The following CDH8 variants were observed in gnomAD, a reference collection of about 807,000 sequenced individuals.
CDH8 encodes the protein cadherin-8.
In CDH8, 17 loss-of-function variants were observed where a neutral mutation model predicts 68.1. The observed-to-expected ratio is 0.25, with a 90% confidence interval of 0.17 to 0.37. CDH8 has a LOEUF of 0.37. Among genes scored for constraint, CDH8 ranks in the 10% least tolerant of loss-of-function variants. The pLI, the probability that CDH8 is intolerant of heterozygous loss-of-function variation, is 1.00. For synonymous variants in CDH8, 372 were observed against 365.1 expected (o/e 1.02, Z -0.21); for missense variants, 763 against 999.3 (o/e 0.76, Z 3.19).
chr16:61,745,005 T>G (rs1186654679), intron 8 of CDH8, among the ~76,000 whole-genome samples: 1 of 151,290 alleles, frequency 6.6e-6, no homozygotes, highest in Non-Finnish European at 1.5e-5. Context: ...ATTATCATAT[T>G]GCCATTTAGG....
chr16:62,032,948 A>G (rs1023289319), intron 1 of CDH8, among the ~76,000 whole-genome samples: 2 of 152,152 alleles, frequency 1.3e-5, no homozygotes, highest in African/African-American at 4.8e-5. Context: ...TAATATGTGC[A>G]TGTTCTTTTT....
chr16:61,868,576 T>A (rs1963299160), intron 3 of CDH8, among the ~76,000 whole-genome samples: 1 of 152,178 alleles, frequency 6.6e-6, no homozygotes, highest in Non-Finnish European at 1.5e-5. Context: ...AGTATGATAT[T>A]AAACTCTCAC....
chr16:61,717,538 A>C (rs1964754622), intron 9 of CDH8, among the ~76,000 whole-genome samples: 1 of 151,668 alleles, frequency 6.6e-6, no homozygotes, highest in African/African-American at 2.4e-5. Context: ...ATTTTACATT[A>C]ACTCAAAAAT....
chr16:61,655,363 C>T, intron 11 of CDH8, 107 bp downstream of exon 11: 1 of 1,095,532 alleles, frequency 9.1e-7, no homozygotes, highest in Admixed American at 2.3e-5. Context: ...GTTCCTCTTC[C>T]CCAACGGAAT....
At chr16:61,769,533 C>A (rs530097670) in intron 8 of CDH8, among the ~76,000 whole-genome samples, 149 of 149,364 alleles carry the variant, frequency 1.0e-3, no homozygotes, top group Middle Eastern at 6.9e-3. Context: ...AAAGATTTAT[C>A]AAATAGAAAT....
chr16:62,011,998 A>T (rs1901824348), intron 2 of CDH8, among the ~76,000 whole-genome samples: 1 of 152,250 alleles, frequency 6.6e-6, no homozygotes. Context: ...TGGATGACCA[A>T]ATTAGGCCAA....
At chr16:61,700,807 G>A (rs1173557848) in intron 10 of CDH8, among the ~76,000 whole-genome samples, 3 of 152,132 alleles carry the variant, frequency 2.0e-5, no homozygotes, top group African/African-American at 7.2e-5. Context: ...GCAGAAATAA[G>A]CTGTAGAGTT....
intron 7 of CDH8, among the ~76,000 whole-genome samples, chr16:61,812,957 G>A (rs577152396): frequency 2.4e-3 from 358 of 152,192 alleles, no homozygotes; most frequent in Non-Finnish European, 4.0e-3. Context: ...TAAGAATTAC[G>A]TGAGATAATA....
At chr16:61,852,893 CCA>C (rs1491060578) in intron 4 of CDH8, among the ~76,000 whole-genome samples, 16,135 of 87,908 alleles carry the variant, frequency 0.18, 1,015 homozygotes, top group African/African-American at 0.36. Flanking sequence ...TTCCTTCCTT[CCA>C]TTCTTCCTTC....
chr16:61,670,812 A>T (rs1963775909), intron 10 of CDH8, among the ~76,000 whole-genome samples: 1 of 151,996 alleles, frequency 6.6e-6, no homozygotes, highest in Admixed American at 6.6e-5. Flanking sequence ...TGGTGACTAA[A>T]GGTGTGGACA....
intron 1 of CDH8, among the ~76,000 whole-genome samples, chr16:62,021,971 A>T (rs1356370369): frequency 6.6e-6 from 1 of 151,294 alleles, no homozygotes; most frequent in African/African-American, 2.4e-5. Flanking sequence ...TTTTGTTTTA[A>T]CACTTCAGGG....
chr16:61,721,081 T>C (rs1195662083), intron 9 of CDH8, among the ~76,000 whole-genome samples: 1 of 150,604 alleles, frequency 6.6e-6, no homozygotes, highest in African/African-American at 2.4e-5. Flanking sequence ...TGATCTCACA[T>C]TTAGATTGTT....
At chr16:61,870,250 C>A (rs977172973) in intron 3 of CDH8, among the ~76,000 whole-genome samples, 1 of 152,196 alleles carries the variant, frequency 6.6e-6, no homozygotes, top group Non-Finnish European at 1.5e-5. Flanking sequence ...AGATACACAA[C>A]CCGTTCTGTC....
At chr16:61,828,517 T>A (rs569719039) in intron 4 of CDH8, among the ~76,000 whole-genome samples, 2 of 152,044 alleles carry the variant, frequency 1.3e-5, no homozygotes, top group East Asian at 3.9e-4. Flanking sequence ...TATGCATTCA[T>A]GACATTCATT....
rs140745218 is a variant in CDH8, at chr16:61,653,679, T to G, written c.2329A>C (p.Ser777Arg). 276 of 1,614,112 alleles carry G rather than the reference T, an allele frequency of 1.7e-4. No homozygotes were observed. The highest frequency in any genetic ancestry group is 2.2e-4 in the Non-Finnish European group (261 of 1,179,980). Residue 777 changes from serine to arginine, a missense_variant, in exon 12 of 12, where the codon AGT becomes CGT. Coordinates refer to ENST00000577390, the MANE Select transcript of CDH8 (RefSeq NM_001796.5). Reference sequence around the variant, plus strand: ...CTCTTAAAGCGGGGACCCCAGTCACTGAGGTAGTCAAAATTCTGGTCTGAG... The same window carrying G: ...CTCTTAAAGCGGGGACCCCAGTCACGGAGGTAGTCAAAATTCTGGTCTGAG... ...SDSDQNFDYL[S>R]DWGPRFKRLG...
chr16:62,034,989 G>A (rs971957899), intron 1 of CDH8: 2 of 152,212 alleles, frequency 1.3e-5, no homozygotes, highest in Admixed American at 1.3e-4. Flanking sequence ...TGCGGGGGAA[G>A]GGTCAACCGC....
At position 61,653,443 on chromosome 16, in the gene CDH8, A is replaced by T; in HGVS notation, c.*165T>A. ...ATAACCTCCTAACATATACTTTTTTATTTTATTATCTTTTTTTGGTTCAAC... is the reference window on the plus strand; with the variant it reads ...ATAACCTCCTAACATATACTTTTTTTTTTTATTATCTTTTTTTGGTTCAAC... On this transcript the variant is annotated 3_prime_UTR_variant, in exon 12 of 12. Coordinates refer to ENST00000577390, the MANE Select transcript of CDH8 (RefSeq NM_001796.5). 7.1e-7 allele frequency: 1 copy of T among 1,414,420 alleles called. No homozygotes were observed. The allele number at this position is 1,414,420 out of a possible 1,614,324, so 87.6% of individuals were successfully genotyped here.
intron 2 of CDH8, among the ~76,000 whole-genome samples, chr16:61,992,772 C>T (rs972330484): frequency 1.3e-5 from 2 of 152,060 alleles, no homozygotes; most frequent in African/African-American, 2.4e-5. Flanking sequence ...GTGTCGAACA[C>T]GGACATTTTT....
intron 2 of CDH8, among the ~76,000 whole-genome samples, chr16:61,956,938 T>C (rs1213442871): frequency 6.6e-6 from 1 of 152,194 alleles, no homozygotes; most frequent in Non-Finnish European, 1.5e-5. Flanking sequence ...GGTCAGTCCT[T>C]GTGTTCAATA....
Sources: allele counts gnomAD v4.1 joint callset (sites outside exome capture counted in the v4.1 genomes callset), GRCh38; gene constraint gnomAD v4.1.1; transcripts MANE v1.5; gene names NCBI Gene and HGNC (gene_info 2026-07-23, HGNC 2026-07-21).